The following KAZN variants were observed in gnomAD, a reference collection of about 807,000 sequenced individuals.
KAZN encodes kazrin.
A neutral mutation model predicts 87.4 loss-of-function variants in KAZN; 40 were observed. That is an observed-to-expected ratio of 0.46 (90% CI 0.36 to 0.60). The LOEUF (loss-of-function observed/expected upper bound fraction) is 0.60. Ranked by LOEUF, KAZN falls within the 20% of genes least tolerant of loss-of-function variation. KAZN has a pLI of 0.00. For missense variants in KAZN, 898 were observed against 1,073.9 expected, an observed-to-expected ratio of 0.84 and a Z score of 2.29; for synonymous variants, 466 against 458.3, an observed-to-expected ratio of 1.02 and a Z score of -0.22.
rs1039344560 is a variant in KAZN at position 14,659,881 on chromosome 1, TAAAA to T, written c.226+60668_226+60671del. 4.3e-5 allele frequency among the ~76,000 whole-genome samples: 6 copies of T among 140,102 alleles called. No homozygotes were observed. In the South Asian group the frequency reaches 1.4e-3, roughly 32 times the overall value. 91.9% of individuals were successfully genotyped at this position (140,102 alleles called of 152,430 possible). On this transcript the variant is annotated intron_variant, in intron 1 of 14. Transcript: ENST00000376030. Reference sequence around the variant, plus strand: ...AATCTTCAAAACAATACACATTCTTTAAAAAAAAAAAAAGAAAGCCAAACAACAA... The same window carrying T: ...AATCTTCAAAACAATACACATTCTTTAAAAAAAAAGAAAGCCAAACAACAA...
chr1:14,558,317 T>C (rs570508899), intron 2 of KAZN, among the ~76,000 whole-genome samples: 8 of 152,302 alleles, frequency 5.3e-5, no homozygotes, highest in African/African-American at 1.9e-4. Flanking sequence ...CCAGCTGGGC[T>C]CAGCTGCAAG....
intron 1 of KAZN, among the ~76,000 whole-genome samples, chr1:14,764,606 A>C (rs1352701990): frequency 6.6e-6 from 1 of 152,100 alleles, no homozygotes; most frequent in African/African-American, 2.4e-5. Context: ...CATACCAGGC[A>C]CTCAGTAAAC....
intron 10 of KAZN, among the ~76,000 whole-genome samples, 187 bp from the exon 11 acceptor site, chr1:15,101,356 A>AT (rs149053003): frequency 0.026 from 3,730 of 141,924 alleles, 58 homozygotes; most frequent in Non-Finnish European, 0.033. Context: ...TTTCTGTCTC[A>AT]TTTTTTCCCT....
intron 2 of KAZN, among the ~76,000 whole-genome samples, chr1:14,397,059 A>T (rs1366124365): frequency 2.6e-5 from 4 of 152,216 alleles, no homozygotes; most frequent in African/African-American, 9.7e-5. Context: ...TAGAGGCTAC[A>T]GTCAATGTAT....
intron 1 of KAZN, among the ~76,000 whole-genome samples, chr1:14,883,357 A>AGAGGG (rs1215092332): frequency 2.5e-5 from 1 of 40,000 alleles, no homozygotes; most frequent in Non-Finnish European, 5.3e-5. Context: ...AAAGAAAGAA[A>AGAGGG]AGAAAGAAAG....
chr1:14,090,672 C>T (rs11589207), intron 1 of KAZN, among the ~76,000 whole-genome samples: 26,892 of 152,152 alleles, frequency 0.18, 2,604 homozygotes, highest in Middle Eastern at 0.27. Flanking sequence ...TCTTTCAATA[C>T]CATGTGTTTC....
At chr1:14,977,883 CTTTTTTTTTTTTTTTTT>C (rs34375176) in intron 2 of KAZN, among the ~76,000 whole-genome samples, 1 of 91,114 alleles carries the variant, frequency 1.1e-5, no homozygotes, top group East Asian at 3.0e-4. Context: ...GGGTGCACGT[CTTTTTTTTTTTTTTTTT>C]TTTTTTTTTT....
intron 2 of KAZN, among the ~76,000 whole-genome samples, chr1:14,477,777 C>A (rs1320899455): frequency 6.6e-6 from 1 of 152,186 alleles, no homozygotes; most frequent in Non-Finnish European, 1.5e-5. Flanking sequence ...GGCAGTGCAC[C>A]TGGAGGACAG....
Position 15,056,323 on chromosome 1 carries a change from C to A in KAZN, c.916+43C>A, listed in dbSNP as rs983483440. 15 of 1,545,440 alleles carry A rather than the reference C, an allele frequency of 9.7e-6. No individual in the cohort carries two copies. Among genetic ancestry groups the A allele is most frequent in the Non-Finnish European group, 1.3e-5 (15 of 1,137,756 alleles). On this transcript the variant is annotated intron_variant, in intron 5 of 14. Transcript: ENST00000376030. The surrounding 1 kb of genome is among the most constrained non-coding windows in gnomAD (Gnocchi z 5.4). ...CTGGCTCCACCACGGCTTCGAGGGG[C>A]TTCACAGGAGGCCATCTGACCCAGT...
intron 2 of KAZN, among the ~76,000 whole-genome samples, chr1:14,234,826 A>G (rs1423537659): frequency 3.3e-5 from 5 of 152,260 alleles, no homozygotes; most frequent in African/African-American, 4.8e-5. Flanking sequence ...GCAGGTTGGC[A>G]TATGTAGTAA....
intron 2 of KAZN, among the ~76,000 whole-genome samples, chr1:14,223,453 G>C (rs1322026051): frequency 6.6e-6 from 1 of 152,100 alleles, no homozygotes; most frequent in East Asian, 1.9e-4. Flanking sequence ...AGCCACTTAA[G>C]AGAGACCCCA....
chr1:14,419,961 T>C (rs1665270286), intron 2 of KAZN, among the ~76,000 whole-genome samples: 1 of 152,136 alleles, frequency 6.6e-6, no homozygotes, highest in Non-Finnish European at 1.5e-5. Flanking sequence ...GAAGGGAACA[T>C]TAGGGGATTG....
At chr1:14,439,107 C>A (rs1327074915) in intron 2 of KAZN, among the ~76,000 whole-genome samples, 2 of 152,176 alleles carry the variant, frequency 1.3e-5, no homozygotes, top group African/African-American at 2.4e-5. Context: ...ATCACACACA[C>A]AAAATATCCA....
At chr1:13,929,047 C>CTTTGTT (rs1640399381) in intron 1 of KAZN, among the ~76,000 whole-genome samples, 1 of 101,540 alleles carries the variant, frequency 9.8e-6, no homozygotes, top group African/African-American at 4.0e-5. Flanking sequence ...AGCTTCAAGG[C>CTTTGTT]TTTTTTTTTT....
At chr1:14,798,807 C>A (rs966795753) in intron 1 of KAZN, among the ~76,000 whole-genome samples, 1 of 151,970 alleles carries the variant, frequency 6.6e-6, no homozygotes, top group African/African-American at 2.4e-5. Flanking sequence ...GTCACCCAGG[C>A]TGGAGTGCAG....
At chr1:14,959,146 A>G (rs1663533308) in intron 1 of KAZN, among the ~76,000 whole-genome samples, 1 of 152,208 alleles carries the variant, frequency 6.6e-6, no homozygotes, top group Admixed American at 6.5e-5. Context: ...AGCTTCCGCC[A>G]TAGCAGTGAT....
At chr1:14,930,054 T>C (rs946016653) in intron 1 of KAZN, 2 of 985,370 alleles carry the variant, frequency 2.0e-6, no homozygotes, top group African/African-American at 3.5e-5. Flanking sequence ...GGTACGTGAG[T>C]GCTGGCCGCT....
chr1:13,936,166 G>A (rs1384422865), intron 1 of KAZN, among the ~76,000 whole-genome samples: 2 of 140,346 alleles, frequency 1.4e-5, no homozygotes, highest in Admixed American at 1.5e-4. Context: ...GTGCGATCTC[G>A]GCACACCACA....
At chr1:14,941,900 T>C (rs1348473443) in intron 1 of KAZN, among the ~76,000 whole-genome samples, 1 of 152,042 alleles carries the variant, frequency 6.6e-6, no homozygotes, top group Non-Finnish European at 1.5e-5. Context: ...CCGGCATTGG[T>C]CTTTTGTTGG....
Sources: allele counts gnomAD v4.1 joint callset (sites outside exome capture counted in the v4.1 genomes callset), GRCh38; gene constraint gnomAD v4.1.1; non-coding constraint Gnocchi (gnomAD v3.1); transcripts MANE v1.5; gene names NCBI Gene and HGNC (gene_info 2026-07-23, HGNC 2026-07-21).